FBLN7: variants seen among roughly 807,000 people sequenced by gnomAD.
FBLN7 encodes the protein fibulin-7.
In FBLN7, 31 loss-of-function variants were observed where a neutral mutation model predicts 44.0. That is an observed-to-expected ratio of 0.70 (90% CI 0.53 to 0.95). The LOEUF (loss-of-function observed/expected upper bound fraction) is 0.95. Ranked by LOEUF, FBLN7 falls within the 40% of genes least tolerant of loss-of-function variation. The pLI, the probability that FBLN7 is intolerant of heterozygous loss-of-function variation, is 0.00. For synonymous variants in FBLN7, 262 were observed against 253.4 expected (o/e 1.03, Z -0.32); for missense variants, 573 against 618.5 (o/e 0.93, Z 0.78).
intron 1 of FBLN7, among the ~76,000 whole-genome samples, chr2:112,158,381 T>C (rs1254012733): frequency 1.3e-5 from 2 of 152,162 alleles, no homozygotes; most frequent in Non-Finnish European, 2.9e-5. Flanking sequence ...TAGCTGGCAC[T>C]ACAGGCATAC....
the FBLN7 span, chr2:112,236,559 T>C: frequency 3.1e-6 from 5 of 1,612,388 alleles, no homozygotes; most frequent in African/African-American, 5.3e-5. Context: ...TATATTCCAA[T>C]ACCTCTTCCT....
the FBLN7 span, among the ~76,000 whole-genome samples, chr2:112,194,547 C>T: frequency 6.6e-6 from 1 of 152,208 alleles, no homozygotes; most frequent in East Asian, 1.9e-4. Flanking sequence ...CTTTTAGGAC[C>T]CAATCACATA....
intron 3 of FBLN7, among the ~76,000 whole-genome samples, chr2:112,172,202 C>A (rs1325676725): frequency 6.6e-6 from 1 of 152,128 alleles, no homozygotes; most frequent in Non-Finnish European, 1.5e-5. Flanking sequence ...AAAATTCCCC[C>A]AATTGTCTCA....
rs1460706385 is a variant in FBLN7 at position 112,188,120 on chromosome 2, T to G, written c.*614T>G. The G allele has an allele frequency of 6.5e-6, 1 of 152,778 alleles. No individual in the cohort carries two copies. Among genetic ancestry groups the G allele is most frequent in the East Asian group, 1.9e-4 (1 of 5,208 alleles). The allele number at this position is 152,778 out of a possible 1,614,324, so 9.5% of individuals were successfully genotyped here. A position where few individuals can be genotyped will look rare whatever the true frequency, so the allele number is the denominator to read the frequency against. On this transcript the variant is annotated 3_prime_UTR_variant, in exon 8 of 8. Coordinates refer to ENST00000331203, the MANE Select transcript of FBLN7 (RefSeq NM_153214.3). Reference sequence around the variant, plus strand: ...GACCAAGGACCCATTGTTAAAAGCATGGATTCTGCCTGAGTTACTTCCCTT... The same window carrying G: ...GACCAAGGACCCATTGTTAAAAGCAGGGATTCTGCCTGAGTTACTTCCCTT...
At chr2:112,218,228 TTAA>T in the FBLN7 span, among the ~76,000 whole-genome samples, 1 of 152,194 alleles carries the variant, frequency 6.6e-6, no homozygotes, top group African/African-American at 2.4e-5. Context: ...TTTAATAACA[TTAA>T]TAATTGTTAC....
intron 1 of FBLN7, among the ~76,000 whole-genome samples, chr2:112,150,200 C>T (rs1388595674): frequency 1.3e-5 from 2 of 152,186 alleles, no homozygotes. Context: ...AGCCCTTTCC[C>T]ATGCTCACCC....
At chr2:112,184,126 G>A (rs554877595) in intron 6 of FBLN7, among the ~76,000 whole-genome samples, 5 of 152,222 alleles carry the variant, frequency 3.3e-5, no homozygotes, top group Non-Finnish European at 4.4e-5. Flanking sequence ...TGGGCCTTTC[G>A]GGGGGCTGGT....
At chr2:112,244,375 G>A in the FBLN7 span, among the ~76,000 whole-genome samples, 1 of 152,066 alleles carries the variant, frequency 6.6e-6, no homozygotes, top group Non-Finnish European at 1.5e-5. Context: ...CCCTACATAT[G>A]GGTGTATGCC....
intron 2 of FBLN7, among the ~76,000 whole-genome samples, chr2:112,164,185 T>C (rs895815132): frequency 6.6e-5 from 10 of 152,186 alleles, no homozygotes; most frequent in Non-Finnish European, 1.3e-4. Flanking sequence ...AAGTCCCTAA[T>C]ATAGTGCCTG....
At chr2:112,205,098 GAAATT>G in the FBLN7 span, among the ~76,000 whole-genome samples, 1 of 152,096 alleles carries the variant, frequency 6.6e-6, no homozygotes, top group South Asian at 2.1e-4. Context: ...GTCTACTATA[GAAATT>G]AAATTGGTGT....
Position 112,181,761 on chromosome 2 carries a change from C to G in FBLN7, c.555C>G (p.Ala185=). ...AQTAAPEGSV[A]GDSAFSRAPR... is the part of the protein sequence containing the mutation. Reference sequence around the variant, plus strand: ...CAGCCGCCCCCGAGGGCAGCGTGGCCGGCGACTCCGCCTTCAGCCGCGCGC... The same window carrying G: ...CAGCCGCCCCCGAGGGCAGCGTGGCGGGCGACTCCGCCTTCAGCCGCGCGC... The change falls in exon 5 of 8, where the codon GCC becomes GCG. Residue 185 remains alanine, a synonymous_variant. Transcript: ENST00000331203. The G allele has an allele frequency of 2.1e-6, 3 of 1,407,308 alleles. No individual in the cohort carries two copies. Among genetic ancestry groups the G allele is most frequent in the Non-Finnish European group, 2.8e-6 (3 of 1,087,608 alleles). 87.2% of individuals were successfully genotyped at this position (1,407,308 alleles called of 1,614,324 possible).
intron 3 of FBLN7, among the ~76,000 whole-genome samples, chr2:112,175,259 T>C (rs1682680397): frequency 6.6e-6 from 1 of 152,244 alleles, no homozygotes; most frequent in African/African-American, 2.4e-5. Flanking sequence ...ATTTTGTTCC[T>C]GTTTAAAAAT....
the FBLN7 span, among the ~76,000 whole-genome samples, chr2:112,203,077 A>G: frequency 6.6e-6 from 1 of 152,220 alleles, no homozygotes; most frequent in Non-Finnish European, 1.5e-5. Flanking sequence ...GGGAAATGAA[A>G]TATCTACAGG....
At chr2:112,231,817 A>G in the FBLN7 span, 1 of 1,449,936 alleles carries the variant, frequency 6.9e-7, no homozygotes, top group Non-Finnish European at 9.4e-7. Flanking sequence ...AAAACAAAAG[A>G]TTATTAAAAA....
At chr2:112,224,966 T>C in the FBLN7 span, among the ~76,000 whole-genome samples, 1 of 152,240 alleles carries the variant, frequency 6.6e-6, no homozygotes, top group Non-Finnish European at 1.5e-5. Context: ...AGATCTTCAG[T>C]GTCTCTCGGT....
At chr2:112,244,031 A>C in the FBLN7 span, among the ~76,000 whole-genome samples, 1 of 131,130 alleles carries the variant, frequency 7.6e-6, no homozygotes, top group African/African-American at 3.1e-5. Context: ...AAAAAGATAA[A>C]AAATAAGAGA....
the FBLN7 span, among the ~76,000 whole-genome samples, chr2:112,235,788 A>C: frequency 6.6e-6 from 1 of 152,142 alleles, no homozygotes; most frequent in Non-Finnish European, 1.5e-5. Flanking sequence ...AATGCTCAGA[A>C]ATATTGATTT....
downstream of FBLN7, among the ~76,000 whole-genome samples, chr2:112,192,366 A>C (rs1326650683): frequency 6.6e-6 from 1 of 151,986 alleles, no homozygotes; most frequent in Non-Finnish European, 1.5e-5. Flanking sequence ...TGCCCCACCC[A>C]CCAAACCCTC....
the FBLN7 span, among the ~76,000 whole-genome samples, chr2:112,233,817 C>T: frequency 1.3e-5 from 2 of 151,834 alleles, no homozygotes; most frequent in African/African-American, 4.8e-5. Context: ...TGCAGTGAGC[C>T]GAGAATGCGC....
Sources: allele counts gnomAD v4.1 joint callset (sites outside exome capture counted in the v4.1 genomes callset), GRCh38; gene constraint gnomAD v4.1.1; transcripts MANE v1.5; gene names NCBI Gene and HGNC (gene_info 2026-07-23, HGNC 2026-07-21).